PTPRM: variants seen among roughly 807,000 people sequenced by gnomAD.
PTPRM encodes the protein receptor-type tyrosine-protein phosphatase mu.
Under a neutral mutation model 186.7 loss-of-function variants are expected in PTPRM, and 47 were observed. That is an observed-to-expected ratio of 0.25 (90% CI 0.20 to 0.32). PTPRM has a LOEUF of 0.32. PTPRM is among the 10% of genes least tolerant of loss of function. PTPRM has a pLI of 1.00. For synonymous variants in PTPRM, 668 were observed against 674.9 expected (o/e 0.99, Z 0.16); for missense variants, 1,494 against 1,865.0 (o/e 0.80, Z 3.66).
chr18:8,340,935 A>G (rs181428669), intron 22 of PTPRM, among the ~76,000 whole-genome samples: 3 of 152,274 alleles, frequency 2.0e-5, no homozygotes, highest in Admixed American at 2.0e-4. Flanking sequence ...TCCCGTAGAG[A>G]ACAGTCACTG....
chr18:7,612,026 G>A (rs1032668114), intron 1 of PTPRM, among the ~76,000 whole-genome samples: 6 of 152,130 alleles, frequency 3.9e-5, no homozygotes, highest in African/African-American at 9.7e-5. Context: ...TTCTCAGAAC[G>A]TGTCCCTGTC....
intron 20 of PTPRM, among the ~76,000 whole-genome samples, chr18:8,306,538 G>A (rs1467138951): frequency 1.3e-5 from 2 of 152,212 alleles, no homozygotes; most frequent in African/African-American, 2.4e-5. Flanking sequence ...AACTTAGCAG[G>A]CTGTGTGCCC....
At chr18:8,393,656 A>T (rs2095829463) in intron 31 of PTPRM, among the ~76,000 whole-genome samples, 1 of 152,232 alleles carries the variant, frequency 6.6e-6, no homozygotes, top group Non-Finnish European at 1.5e-5. Flanking sequence ...ATATCAGGGA[A>T]GTTGGATATG....
chr18:7,809,913 A>C (rs1420396586), intron 2 of PTPRM, among the ~76,000 whole-genome samples: 1 of 152,242 alleles, frequency 6.6e-6, no homozygotes, highest in Non-Finnish European at 1.5e-5. Context: ...AAAATTCTGA[A>C]GAAAACCTCT....
chr18:7,686,174 G>A (rs1420666606), intron 1 of PTPRM, among the ~76,000 whole-genome samples: 2 of 152,078 alleles, frequency 1.3e-5, no homozygotes, highest in African/African-American at 4.8e-5. Context: ...AAGGTCCATG[G>A]GACAAGGATC....
intron 14 of PTPRM, among the ~76,000 whole-genome samples, chr18:8,240,657 G>A (rs1292551956): frequency 3.6e-5 from 1 of 27,818 alleles, no homozygotes; most frequent in African/African-American, 1.9e-4. Flanking sequence ...GAGAGAGAAA[G>A]AAAGAAAGAA....
intron 13 of PTPRM, among the ~76,000 whole-genome samples, chr18:8,141,753 G>A (rs147721908): frequency 2.2e-5 from 2 of 90,088 alleles, no homozygotes; most frequent in East Asian, 3.4e-4. Context: ...TCTATAACTA[G>A]TGAGATAAAT....
At chr18:7,993,143 G>A (rs139178146) in intron 7 of PTPRM, among the ~76,000 whole-genome samples, 1 of 151,712 alleles carries the variant, frequency 6.6e-6, no homozygotes, top group African/African-American at 2.4e-5. Context: ...AATGACTAAA[G>A]TTAAAGATAG....
chr18:7,610,657 A>T (rs79609174), intron 1 of PTPRM, among the ~76,000 whole-genome samples: 4,735 of 152,270 alleles, frequency 0.031, 82 homozygotes, highest in Middle Eastern at 0.078. Context: ...TAGTCTTCAG[A>T]AGATTGTAGC....
intron 14 of PTPRM, among the ~76,000 whole-genome samples, chr18:8,232,911 AG>A (rs534772843): frequency 9.2e-5 from 14 of 152,130 alleles, no homozygotes; most frequent in Non-Finnish European, 1.8e-4. Flanking sequence ...GATAGCAAGG[AG>A]GGGGGTGGTG....
chr18:7,863,334 A>C (rs2146082224), intron 2 of PTPRM, among the ~76,000 whole-genome samples: 1 of 152,130 alleles, frequency 6.6e-6, no homozygotes, highest in East Asian at 1.9e-4. Flanking sequence ...ATTTCTCCTA[A>C]TGCTATCCCT....
chr18:7,921,083 T>C (rs2050833001), intron 4 of PTPRM, among the ~76,000 whole-genome samples: 1 of 152,168 alleles, frequency 6.6e-6, no homozygotes, highest in African/African-American at 2.4e-5. Flanking sequence ...TTATTTGAGT[T>C]GAATCTGTTT....
chr18:7,709,725 A>T (rs1463765032), intron 1 of PTPRM, among the ~76,000 whole-genome samples: 1 of 152,124 alleles, frequency 6.6e-6, no homozygotes, highest in Non-Finnish European at 1.5e-5. Flanking sequence ...GAAATATGAC[A>T]ACCGATATCA....
At position 8,253,278 on chromosome 18, in the gene PTPRM, C is replaced by G. The variant is rs186897065; in HGVS notation, c.2618C>G (p.Thr873Ser). Residue 873 changes from threonine (T) to serine (S), a missense_variant, in exon 19 of 33, where the codon ACT becomes AGT. By Grantham distance (58) the Thr-to-Ser change is moderately conservative. This residue lies in a region of PTPRM where 1,107 missense variants were observed against 1,350.2 expected (regional missense o/e 0.82). Coordinates refer to ENST00000580170, the MANE Select transcript of PTPRM (RefSeq NM_001105244.2). ...SDTSSLVQSH[T>S]YKKREPADVP... Reference sequence around the variant, plus strand: ...ACCAGCAGCCTGGTGCAGTCCCATACTTACAAGAAGCGAGAGCCGGCCGAC... The same window carrying G: ...ACCAGCAGCCTGGTGCAGTCCCATAGTTACAAGAAGCGAGAGCCGGCCGAC... 57 of 1,593,174 alleles carry G rather than the reference C, an allele frequency of 3.6e-5. No individual in the cohort carries two copies. In the East Asian group the frequency reaches 1.2e-3, roughly 34 times the overall value.
At chr18:7,665,992 C>T (rs1299496651) in intron 1 of PTPRM, among the ~76,000 whole-genome samples, 2 of 151,962 alleles carry the variant, frequency 1.3e-5, no homozygotes, top group African/African-American at 4.8e-5. Context: ...TCCTCTCAAA[C>T]AGTAAGATAA....
intron 7 of PTPRM, among the ~76,000 whole-genome samples, chr18:7,999,798 G>C (rs1463243712): frequency 3.9e-5 from 6 of 152,016 alleles, no homozygotes; most frequent in Non-Finnish European, 5.9e-5. Flanking sequence ...GAACCAATAT[G>C]ATATGTGTGT....
chr18:7,715,221 G>A (rs990960131), intron 1 of PTPRM, among the ~76,000 whole-genome samples: 8 of 152,094 alleles, frequency 5.3e-5, no homozygotes, highest in African/African-American at 1.4e-4. Context: ...ATCAATAAAC[G>A]TAATCCATTA....
At chr18:7,864,435 A>T (rs1301125851) in intron 2 of PTPRM, among the ~76,000 whole-genome samples, 1 of 152,164 alleles carries the variant, frequency 6.6e-6, no homozygotes, top group Non-Finnish European at 1.5e-5. Flanking sequence ...TTTCCCCAAC[A>T]CCATTTATTA....
At chr18:8,292,313 AT>A (rs1259662363) in intron 19 of PTPRM, among the ~76,000 whole-genome samples, 1 of 152,136 alleles carries the variant, frequency 6.6e-6, no homozygotes, top group Non-Finnish European at 1.5e-5. Context: ...GGAAAAAAAC[AT>A]TTTTAATCTC....
Sources: gnomAD v4.1 joint callset for allele counts (sites outside exome capture counted in the v4.1 genomes callset) on GRCh38, gnomAD v4.1.1 for gene constraint, gnomAD v4.1.1 regional missense constraint, MANE v1.5 for transcripts, NCBI Gene and HGNC (gene_info 2026-07-23, HGNC 2026-07-21) for gene names.